GSPT1: variants seen among roughly 807,000 people sequenced by gnomAD.
GSPT1 encodes eukaryotic peptide chain release factor GTP-binding subunit ERF3A.
In GSPT1, 20 loss-of-function variants were observed where a neutral mutation model predicts 72.5. The observed-to-expected ratio is 0.28, with a 90% CI of 0.19 to 0.40. The LOEUF is 0.40. Among genes scored for constraint, GSPT1 ranks in the 10% least tolerant of loss-of-function variants. The pLI, the probability that GSPT1 is intolerant of heterozygous loss-of-function variation, is 1.00. For synonymous variants in GSPT1, 334 were observed against 293.5 expected (o/e 1.14, Z -1.41); for missense variants, 580 against 811.9 (o/e 0.71, Z 3.47).
At chr16:11,889,203 G>A (rs42424) in intron 6 of GSPT1, among the ~76,000 whole-genome samples, 39,536 of 151,678 alleles carry the variant, frequency 0.26, 6,672 homozygotes, top group East Asian at 0.59. Context: ...AGCTACTTGG[G>A]AGGCTGAAGC....
chr16:11,915,526 G>A lies in GSPT1; in HGVS notation c.195C>T (p.Phe65=), dbSNP rs1184872322. 2 of 1,524,162 alleles carry A rather than the reference G, an allele frequency of 1.3e-6. No homozygotes were observed. The highest frequency in any genetic ancestry group is 1.8e-6 in the Non-Finnish European group (2 of 1,137,188). The allele number at this position is 1,524,162 out of a possible 1,614,324, so 94.4% of individuals were successfully genotyped here. ...EAQRENLSAA[F]SRQLNVNAKP... is the part of the protein sequence containing the mutation. ...TGGCGTTGACGTTGAGTTGCCGGCT[G>A]AAGGCCGCGCTGAGGTTCTCCCGCT... The change falls in exon 1 of 15, where the codon TTC becomes TTT. Residue 65 remains phenylalanine (F), a synonymous_variant. Coordinates refer to ENST00000434724, the MANE Select transcript of GSPT1 (RefSeq NM_002094.4).
intron 5 of GSPT1, among the ~76,000 whole-genome samples, chr16:11,891,943 G>A (rs2054267339): frequency 6.6e-6 from 1 of 152,046 alleles, no homozygotes; most frequent in Non-Finnish European, 1.5e-5. Flanking sequence ...ATACTGGCAT[G>A]AGAACCACCA....
At chr16:11,903,867 A>C (rs928983562) in intron 1 of GSPT1, 1 of 152,588 alleles carries the variant, frequency 6.6e-6, no homozygotes, top group Non-Finnish European at 1.5e-5. Flanking sequence ...CAGGAACACG[A>C]GTCAGTGACA....
Position 11,875,756 on chromosome 16 carries a change from C to G in GSPT1, c.1861+5G>C. 2 of 1,601,008 alleles carry G rather than the reference C, an allele frequency of 1.2e-6. No individual in the cohort carries two copies. Among genetic ancestry groups the G allele is most frequent in the Non-Finnish European group, 1.7e-6 (2 of 1,175,720 alleles). On this transcript the variant is annotated splice_donor_5th_base_variant and intron_variant, in intron 14 of 14. Transcript: ENST00000434724. ...ACTACTAGACGTCAGTTTAAAAGCT[C>G]TTACCCTCATCTCTTAAGGTGAAAC...
At chr16:11,910,811 G>A (rs1013836059) in intron 1 of GSPT1, among the ~76,000 whole-genome samples, 5 of 152,310 alleles carry the variant, frequency 3.3e-5, no homozygotes, top group East Asian at 1.9e-4. Context: ...ACAGCACTAC[G>A]TAATACCTGC....
In GSPT1 at chr16:11,887,761, T is replaced by G; in HGVS notation, c.777-11A>C. On this transcript the variant is annotated splice_polypyrimidine_tract_variant and intron_variant, in intron 6 of 14. Coordinates refer to ENST00000434724, the MANE Select transcript of GSPT1 (RefSeq NM_002094.4). ...GCCCAAGACAAGTACCTGAAATAAT[T>G]TTTAAAAAAAGAACAATATTCCTAA... 1 of 1,572,574 alleles carries G rather than the reference T, an allele frequency of 6.4e-7. No homozygotes were observed. Among genetic ancestry groups the G allele is most frequent in the Non-Finnish European group, 8.7e-7 (1 of 1,155,304 alleles).
chr16:11,875,522 A>T (rs1438987745), intron 14 of GSPT1, among the ~76,000 whole-genome samples: 1 of 152,128 alleles, frequency 6.6e-6, no homozygotes, highest in Non-Finnish European at 1.5e-5. Context: ...CAAATCCACT[A>T]CTCACAAAAC....
chr16:11,898,449 T>C (rs1203142748), intron 1 of GSPT1, among the ~76,000 whole-genome samples: 1 of 149,450 alleles, frequency 6.7e-6, no homozygotes, highest in Non-Finnish European at 1.5e-5. Context: ...CCCTTTTTTT[T>C]TTTTTTTTTT....
chr16:11,884,526 A>G (rs999022883), intron 10 of GSPT1, among the ~76,000 whole-genome samples: 5 of 151,604 alleles, frequency 3.3e-5, no homozygotes, highest in African/African-American at 1.2e-4. Flanking sequence ...TTGGGAAGCC[A>G]AGGCGGGCGG....
intron 1 of GSPT1, among the ~76,000 whole-genome samples, chr16:11,902,402 C>T (rs1199613548): frequency 2.9e-5 from 2 of 69,574 alleles, no homozygotes; most frequent in African/African-American, 1.6e-4. Context: ...AGGACTCTGT[C>T]TCAAAAAAAA....
chr16:11,904,393 G>A (rs540264220), intron 1 of GSPT1, among the ~76,000 whole-genome samples: 4 of 152,054 alleles, frequency 2.6e-5, no homozygotes, highest in East Asian at 1.9e-4. Flanking sequence ...TAGTAGAGAT[G>A]GGGTTTCACC....
chr16:11,890,472 A>G (rs1446893093), intron 6 of GSPT1, among the ~76,000 whole-genome samples: 5 of 152,164 alleles, frequency 3.3e-5, no homozygotes. Flanking sequence ...TCAATTTTTT[A>G]TAACAACACT....
intron 1 of GSPT1, among the ~76,000 whole-genome samples, chr16:11,905,074 T>C (rs979713891): frequency 2.0e-5 from 3 of 152,138 alleles, no homozygotes; most frequent in Non-Finnish European, 4.4e-5. Flanking sequence ...TATCAAACAA[T>C]AACAACAAAA....
Position 11,872,123 on chromosome 16 carries a change from T to C in GSPT1, c.*996A>G, listed in dbSNP as rs984671890. The C allele has an allele frequency of 2.0e-5, 3 of 152,206 alleles. No homozygotes were observed. The highest frequency in any genetic ancestry group is 4.8e-5 in the African/African-American group (2 of 41,442). 9.4% of individuals were successfully genotyped at this position (152,206 alleles called of 1,614,324 possible). A position where few individuals can be genotyped will look rare whatever the true frequency, so the allele number is the denominator to read the frequency against. On this transcript the variant is annotated 3_prime_UTR_variant, in exon 15 of 15. Transcript: ENST00000434724. ...TGATACAAAGAGTAAACTGAGTAAC[T>C]TGTAGAAGTGGCACTTGCAACTGAT...
At position 11,871,511 on chromosome 16, in the gene GSPT1, G is replaced by A. The variant is rs1273558337; in HGVS notation, c.*1608C>T. 6.6e-6 allele frequency: 1 copy of A among 152,220 alleles called. No individual in the cohort carries two copies. The highest frequency in any genetic ancestry group is 1.5e-5 in the Non-Finnish European group (1 of 68,074). 9.4% of individuals were successfully genotyped at this position (152,220 alleles called of 1,614,324 possible). A position where few individuals can be genotyped will look rare whatever the true frequency, so the allele number is the denominator to read the frequency against. ...GAATCCGGGAGGTGGAGGCTGCAGTGAGCTGAGATCGAGCCACTGCACTCC... is the reference window on the plus strand; with the variant it reads ...GAATCCGGGAGGTGGAGGCTGCAGTAAGCTGAGATCGAGCCACTGCACTCC... On this transcript the variant is annotated 3_prime_UTR_variant, in exon 15 of 15. Coordinates refer to ENST00000434724, the MANE Select transcript of GSPT1 (RefSeq NM_002094.4).
At chr16:11,910,029 T>G (rs2054538551) in intron 1 of GSPT1, among the ~76,000 whole-genome samples, 1 of 152,148 alleles carries the variant, frequency 6.6e-6, no homozygotes, top group Non-Finnish European at 1.5e-5. Flanking sequence ...CCCAGGGATT[T>G]GAAGTTACGA....
At chr16:11,886,392 A>C in intron 9 of GSPT1, 79 bp downstream of exon 9, 1 of 852,348 alleles carries the variant, frequency 1.2e-6, no homozygotes, top group Non-Finnish European at 1.8e-6. Flanking sequence ...TTAACATGTT[A>C]CTCAGCATAT....
rs555486497 is a variant in GSPT1, at chr16:11,914,434, A to T, written c.352+935T>A. 2.6e-5 allele frequency among the ~76,000 whole-genome samples: 4 copies of T among 152,354 alleles called. No homozygotes were observed. The South Asian group carries it at 8.3e-4, about 32-fold the overall frequency. On this transcript the variant is annotated intron_variant, in intron 1 of 14. Coordinates refer to ENST00000434724, the MANE Select transcript of GSPT1 (RefSeq NM_002094.4). ...GGGAAGATGTTTAAAAACCAAAGTT[A>T]ACTCGAAATTTTATGGATTAGAAAA...
Position 11,889,965 on chromosome 16 carries a change from C to CT in GSPT1, c.776+1096dup, listed in dbSNP as rs78081535. On this transcript the variant is annotated intron_variant, in intron 6 of 14. Coordinates refer to ENST00000434724, the MANE Select transcript of GSPT1 (RefSeq NM_002094.4). ...CCAATAAAAGTTGTTTTCCTTTTTTCTTTTTTTTTTTTTGACATGGTGTCT... is the reference window on the plus strand; with the variant it reads ...CCAATAAAAGTTGTTTTCCTTTTTTCTTTTTTTTTTTTTTGACATGGTGTCT... Among the ~76,000 whole-genome samples the CT allele has an allele frequency of 2.3e-3, 314 of 137,616 alleles. 1 individual carries two copies. Among genetic ancestry groups the CT allele is most frequent in the African/African-American group, 4.7e-3 (175 of 37,582 alleles). 90.3% of individuals were successfully genotyped at this position (137,616 alleles called of 152,430 possible).
Sources: allele counts gnomAD v4.1 joint callset (sites outside exome capture counted in the v4.1 genomes callset), GRCh38; gene constraint gnomAD v4.1.1; transcripts MANE v1.5; gene names NCBI Gene and HGNC (gene_info 2026-07-23, HGNC 2026-07-21).